Variants in KIAA1328 observed in about 807,000 individuals in gnomAD.
KIAA1328 encodes the protein protein hinderin.
In KIAA1328, 52 loss-of-function variants were observed where a neutral mutation model predicts 68.1. That is an observed-to-expected ratio of 0.76 (90% CI 0.61 to 0.96). The LOEUF (loss-of-function observed/expected upper bound fraction) is 0.96, where lower values mean the gene tolerates loss of function less well. Among genes scored for constraint, KIAA1328 ranks in the 40% least tolerant of loss-of-function variants. The pLI, the probability that KIAA1328 is intolerant of heterozygous loss-of-function variation, is 0.00. For synonymous variants in KIAA1328, 232 were observed against 239.4 expected, an observed-to-expected ratio of 0.97 and a Z score of 0.28; for missense variants, 641 against 677.6, an observed-to-expected ratio of 0.95 and a Z score of 0.60.
chr18:37,077,196 A>G (rs1242134405), intron 7 of KIAA1328, among the ~76,000 whole-genome samples: 3 of 143,696 alleles, frequency 2.1e-5, no homozygotes, highest in Non-Finnish European at 3.0e-5. Context: ...AAATCAATAA[A>G]TGTAATCCAG....
intron 6 of KIAA1328, among the ~76,000 whole-genome samples, chr18:37,035,178 C>T (rs1030539555): frequency 6.6e-6 from 1 of 152,294 alleles, no homozygotes; most frequent in East Asian, 1.9e-4. Context: ...GGACTGAAAA[C>T]ATCTGAAGTG....
intron 5 of KIAA1328, among the ~76,000 whole-genome samples, chr18:36,934,027 T>G (rs1474330284): frequency 6.6e-6 from 1 of 152,104 alleles, no homozygotes; most frequent in East Asian, 1.9e-4. Context: ...TTCCTAACTC[T>G]CCAGGATGAT....
chr18:37,124,825 C>T (rs183726531), intron 7 of KIAA1328, among the ~76,000 whole-genome samples: 4 of 152,282 alleles, frequency 2.6e-5, no homozygotes, highest in African/African-American at 9.6e-5. Flanking sequence ...CTGGAATGAT[C>T]TATCCCTACA....
chr18:37,203,588 G>A (rs2060155465), intron 9 of KIAA1328, among the ~76,000 whole-genome samples: 1 of 152,180 alleles, frequency 6.6e-6, no homozygotes, highest in East Asian at 1.9e-4. Flanking sequence ...AGCCTAGGAA[G>A]TATGCAATTT....
chr18:36,844,373 A>G, intron 4 of KIAA1328, 71 bp downstream of exon 4: 1 of 1,005,726 alleles, frequency 9.9e-7, no homozygotes, highest in Admixed American at 3.1e-5. Flanking sequence ...GAAAATTGCA[A>G]ATATATTTTG....
rs1446589879 is a variant in KIAA1328, at chr18:37,029,498, T to A, written c.577-37392T>A. Among the ~76,000 whole-genome samples, 3 of 152,112 alleles carry A rather than the reference T, an allele frequency of 2.0e-5. No individual in the cohort carries two copies. The South Asian group carries it at 6.2e-4, about 32-fold the overall frequency. On this transcript the variant is annotated intron_variant, in intron 6 of 9. Transcript: ENST00000280020. Reference sequence around the variant, plus strand: ...GAGTTATCCTCCCACCTCAGCCTCCTGAGTATCTGGGACCACAGACAAGCA... The same window carrying A: ...GAGTTATCCTCCCACCTCAGCCTCCAGAGTATCTGGGACCACAGACAAGCA...
At chr18:36,981,942 C>G (rs2052705351) in intron 6 of KIAA1328, among the ~76,000 whole-genome samples, 1 of 151,146 alleles carries the variant, frequency 6.6e-6, no homozygotes, top group Non-Finnish European at 1.5e-5. Context: ...CAAAAATACA[C>G]TGGATCGGAT....
In KIAA1328 at chr18:37,160,309, G is replaced by A; in HGVS notation, c.1342G>A (p.Gly448Arg). Reference protein sequence around the residue: ...GENRKERKTVGFHSHMKDDAQ... With the variant: ...GENRKERKTVRFHSHMKDDAQ... The stretch of plus-strand genomic sequence containing the variant: ...GAATAGGAAGGAGAGGAAGACAGTT[G>A]GGTTTCATTCGCATATGAAAGATGA... The change falls in exon 8 of 10, where the codon GGG (glycine) becomes AGG (arginine). Residue 448 changes from glycine to arginine, a missense_variant. By Grantham distance (125) the Gly-to-Arg change is moderately radical. Transcript: ENST00000280020. 4 of 1,613,644 alleles carry A rather than the reference G, an allele frequency of 2.5e-6. No homozygotes were observed. The highest frequency in any genetic ancestry group is 3.4e-6 in the Non-Finnish European group (4 of 1,179,702).
chr18:37,062,753 C>T (rs1212378164), intron 6 of KIAA1328, among the ~76,000 whole-genome samples: 1 of 152,172 alleles, frequency 6.6e-6, no homozygotes, highest in Middle Eastern at 3.2e-3. Flanking sequence ...CCGCGCCCGG[C>T]CAATAGATGC....
At position 37,222,297 on chromosome 18, in the gene KIAA1328, CATTGCAAAGT is replaced by C. The variant is rs1438308056; in HGVS notation, c.*72_*81del. Reference sequence around the variant, plus strand: ...ACTGATCTAGGATTTTAAATTATTTCATTGCAAAGTAATTGTGTCTCTCCTTTCACGGGGA... The same window carrying C: ...ACTGATCTAGGATTTTAAATTATTTCAATTGTGTCTCTCCTTTCACGGGGA... On this transcript the variant is annotated 3_prime_UTR_variant, in exon 10 of 10. Coordinates refer to ENST00000280020, the MANE Select transcript of KIAA1328 (RefSeq NM_020776.3). 7.2e-6 allele frequency: 11 copies of C among 1,535,268 alleles called. No homozygotes were observed. The East Asian group carries it at 2.7e-4, about 38-fold the overall frequency.
At chr18:36,853,656 ATTTT>A (rs918243694) in intron 4 of KIAA1328, among the ~76,000 whole-genome samples, 16 of 150,918 alleles carry the variant, frequency 1.1e-4, no homozygotes, top group African/African-American at 3.7e-4. Context: ...GCTTTTTTTT[ATTTT>A]TTTTATTTTT....
At chr18:37,131,296 G>C (rs1209566730) in intron 7 of KIAA1328, among the ~76,000 whole-genome samples, 1 of 152,194 alleles carries the variant, frequency 6.6e-6, no homozygotes, top group Non-Finnish European at 1.5e-5. Flanking sequence ...ATTCAAAGTA[G>C]TGTCAAACTT....
intron 4 of KIAA1328, among the ~76,000 whole-genome samples, chr18:36,863,088 A>G (rs1601034455): frequency 6.6e-6 from 1 of 152,112 alleles, no homozygotes; most frequent in African/African-American, 2.4e-5. Context: ...GTACTTTGCA[A>G]ATACTTTTAT....
chr18:37,178,236 C>T lies in KIAA1328; in HGVS notation c.1523+5155C>T, dbSNP rs140507060. 1.7e-4 allele frequency among the ~76,000 whole-genome samples: 26 copies of T among 152,204 alleles called. No individual in the cohort carries two copies. In the East Asian group the frequency reaches 5.0e-3, roughly 29 times the overall value. On this transcript the variant is annotated intron_variant, in intron 9 of 9. Coordinates refer to ENST00000280020, the MANE Select transcript of KIAA1328 (RefSeq NM_020776.3). ...TCCCACTCTTCCTAGCCTCTAGTAT[C>T]ACTATCATACTCACTGCTTCTATGA...
intron 6 of KIAA1328, among the ~76,000 whole-genome samples, chr18:36,983,038 G>A (rs2052760869): frequency 6.6e-6 from 1 of 151,838 alleles, no homozygotes; most frequent in South Asian, 2.1e-4. Context: ...AAAAAATTAA[G>A]AAAAGGTGGA....
chr18:36,942,811 A>C (rs2050763198), intron 5 of KIAA1328, among the ~76,000 whole-genome samples: 1 of 152,138 alleles, frequency 6.6e-6, no homozygotes, highest in African/African-American at 2.4e-5. Context: ...GAATGTTTTT[A>C]GCTATATTAT....
intron 9 of KIAA1328, among the ~76,000 whole-genome samples, chr18:37,174,305 A>G (rs567894318): frequency 1.3e-5 from 2 of 150,912 alleles, no homozygotes; most frequent in Admixed American, 6.6e-5. Flanking sequence ...CAACCTCTCT[A>G]TTTTGGAGGC....
chr18:36,916,920 AT>A (rs769222475), intron 5 of KIAA1328, among the ~76,000 whole-genome samples: 2,730 of 141,764 alleles, frequency 0.019, 44 homozygotes, highest in African/African-American at 0.053. Context: ...AGCTCACTTC[AT>A]TTTTTTTTTT....
chr18:37,050,903 A>G (rs1436081133), intron 6 of KIAA1328, among the ~76,000 whole-genome samples: 1 of 152,166 alleles, frequency 6.6e-6, no homozygotes, highest in African/African-American at 2.4e-5. Flanking sequence ...CTTGATGTAC[A>G]GCAACTTAAT....
Sources: gnomAD v4.1 joint callset for allele counts (sites outside exome capture counted in the v4.1 genomes callset) on GRCh38, gnomAD v4.1.1 for gene constraint, MANE v1.5 for transcripts, NCBI Gene and HGNC (gene_info 2026-07-23, HGNC 2026-07-21) for gene names.